The following VAT1L variants were observed in gnomAD, a reference collection of about 807,000 sequenced individuals.
The protein encoded by VAT1L is putative NADPH-dependent quinone oxidoreductase VAT1L.
Under a neutral mutation model 44.1 loss-of-function variants are expected in VAT1L, and 34 were observed. The observed-to-expected ratio is 0.77, with a 90% CI of 0.59 to 1.03. VAT1L has a LOEUF of 1.03. Among genes scored for constraint, VAT1L ranks in the 50% least tolerant of loss-of-function variants. The pLI is 0.00. For synonymous variants in VAT1L, 253 were observed against 202.2 expected (o/e 1.25, Z -2.13); for missense variants, 615 against 538.8 (o/e 1.14, Z -1.40).
intron 3 of VAT1L, among the ~76,000 whole-genome samples, chr16:77,844,264 A>G (rs2016736067): frequency 6.6e-6 from 1 of 152,154 alleles, no homozygotes; most frequent in African/African-American, 2.4e-5. Context: ...TTTCCTTGTG[A>G]TTATTCCCTA....
intron 2 of VAT1L, among the ~76,000 whole-genome samples, chr16:77,823,938 G>A (rs568432284): frequency 2.6e-4 from 39 of 152,270 alleles, no homozygotes; most frequent in Admixed American, 1.9e-3. Context: ...CAGGACAATC[G>A]CTTGTACCTG....
At chr16:77,819,459 G>A (rs2016412030) in intron 2 of VAT1L, among the ~76,000 whole-genome samples, 1 of 151,774 alleles carries the variant, frequency 6.6e-6, no homozygotes, top group African/African-American at 2.4e-5. Flanking sequence ...TCAGCTCACT[G>A]CAATCTCTGC....
At chr16:77,791,447 G>A (rs2015833780) in intron 1 of VAT1L, among the ~76,000 whole-genome samples, 1 of 152,128 alleles carries the variant, frequency 6.6e-6, no homozygotes, top group Admixed American at 6.5e-5. Context: ...TTTATATCAT[G>A]GACCCTTTTT....
intron 7 of VAT1L, among the ~76,000 whole-genome samples, chr16:77,940,007 A>G (rs2017858725): frequency 6.6e-6 from 1 of 152,210 alleles, no homozygotes; most frequent in South Asian, 2.1e-4. Context: ...TAAGGAAGTT[A>G]ATCAGTGCAT....
At chr16:77,950,022 G>A (rs548852229) in intron 7 of VAT1L, among the ~76,000 whole-genome samples, 2 of 152,210 alleles carry the variant, frequency 1.3e-5, no homozygotes, top group Non-Finnish European at 2.9e-5. Context: ...TTTCACTGCT[G>A]TGGTGATCAA....
intron 3 of VAT1L, among the ~76,000 whole-genome samples, chr16:77,856,929 T>C (rs938149973): frequency 6.6e-5 from 10 of 152,218 alleles, no homozygotes; most frequent in African/African-American, 2.4e-4. Context: ...GAACTTTCCT[T>C]TTCTCTCTGA....
At chr16:77,887,818 A>G (rs2017224730) in intron 7 of VAT1L, among the ~76,000 whole-genome samples, 1 of 152,154 alleles carries the variant, frequency 6.6e-6, no homozygotes, top group Non-Finnish European at 1.5e-5. Flanking sequence ...GGACTCAAGC[A>G]ATACCTAAAC....
intron 1 of VAT1L, among the ~76,000 whole-genome samples, chr16:77,812,927 T>C (rs1439402581): frequency 6.6e-6 from 1 of 152,122 alleles, no homozygotes; most frequent in Non-Finnish European, 1.5e-5. Flanking sequence ...TTGAGAAAAA[T>C]AGGATTACCT....
intron 7 of VAT1L, among the ~76,000 whole-genome samples, chr16:77,900,058 T>C (rs2017364152): frequency 6.6e-6 from 1 of 152,250 alleles, no homozygotes; most frequent in East Asian, 1.9e-4. Context: ...TACCTGACTC[T>C]ACACCTTCTA....
intron 7 of VAT1L, among the ~76,000 whole-genome samples, chr16:77,946,276 G>GTCCTTTTTTT (rs2017962485): frequency 3.0e-5 from 1 of 33,862 alleles, no homozygotes; most frequent in African/African-American, 1.1e-4. Context: ...TAGGTTACTT[G>GTCCTTTTTTT]TTCTTTTTTT....
At chr16:77,804,282 G>A (rs1283259934) in intron 1 of VAT1L, among the ~76,000 whole-genome samples, 2 of 152,156 alleles carry the variant, frequency 1.3e-5, no homozygotes, top group African/African-American at 4.8e-5. Context: ...ACCTCCTGCT[G>A]TGTCCCGAGG....
intron 7 of VAT1L, among the ~76,000 whole-genome samples, chr16:77,957,150 T>A (rs748156006): frequency 6.6e-6 from 1 of 152,220 alleles, no homozygotes; most frequent in Admixed American, 6.5e-5. Context: ...CTTTCAAAGA[T>A]AGCTCCCCAC....
chr16:77,922,610 G>C (rs1256140186), intron 7 of VAT1L, among the ~76,000 whole-genome samples: 1 of 152,174 alleles, frequency 6.6e-6, no homozygotes, highest in Admixed American at 6.5e-5. Flanking sequence ...CAGTGGAGAA[G>C]TAGGGAAACA....
chr16:77,874,388 G>T (rs1333782996), intron 4 of VAT1L, among the ~76,000 whole-genome samples: 1 of 152,000 alleles, frequency 6.6e-6, no homozygotes, highest in East Asian at 1.9e-4. Context: ...ATAATGCAAG[G>T]TGAAGACCTG....
intron 6 of VAT1L, among the ~76,000 whole-genome samples, chr16:77,881,551 T>C (rs962438120): frequency 1.3e-5 from 2 of 152,264 alleles, no homozygotes; most frequent in Non-Finnish European, 2.9e-5. Flanking sequence ...ATTCTAAGTA[T>C]GGCACTATGT....
At chr16:77,946,486 G>A (rs1167441388) in intron 7 of VAT1L, among the ~76,000 whole-genome samples, 2 of 151,484 alleles carry the variant, frequency 1.3e-5, no homozygotes, top group Non-Finnish European at 2.9e-5. Context: ...GTTTCACCGT[G>A]TTAGCCAGCA....
intron 7 of VAT1L, among the ~76,000 whole-genome samples, chr16:77,958,134 C>A (rs1246714802): frequency 6.6e-6 from 1 of 152,080 alleles, no homozygotes; most frequent in Non-Finnish European, 1.5e-5. Flanking sequence ...CCTCAAACTC[C>A]TGGGCAGAAG....
intron 1 of VAT1L, among the ~76,000 whole-genome samples, chr16:77,814,490 G>C (rs1360991179): frequency 6.6e-6 from 1 of 152,206 alleles, no homozygotes; most frequent in Non-Finnish European, 1.5e-5. Context: ...ACTGGGCCCA[G>C]TTCATGCTGG....
chr16:77,870,273 C>G (rs1443819168), intron 4 of VAT1L, among the ~76,000 whole-genome samples: 1 of 152,154 alleles, frequency 6.6e-6, no homozygotes, highest in East Asian at 1.9e-4. Flanking sequence ...CTGTGCAAAG[C>G]CTACTAAATG....
Sources: allele counts gnomAD v4.1 joint callset (sites outside exome capture counted in the v4.1 genomes callset), GRCh38; gene constraint gnomAD v4.1.1; transcripts MANE v1.5; gene names NCBI Gene and HGNC (gene_info 2026-07-23, HGNC 2026-07-21).